Variants in ZBTB20 observed in about 807,000 individuals in gnomAD.
ZBTB20 encodes zinc finger and BTB domain-containing protein 20.
ZBTB20 carries 9 observed loss-of-function variants against 56.9 expected under a neutral mutation model. The ratio of observed to expected loss-of-function variants is 0.16; its 90% confidence interval spans 0.10 to 0.28. The LOEUF (loss-of-function observed/expected upper bound fraction) is 0.28, where lower values mean the gene tolerates loss of function less well. Ranked by LOEUF, ZBTB20 falls within the 10% of genes least tolerant of loss-of-function variation. The probability of loss-of-function intolerance (pLI) is 1.00; values close to 1 mark genes in which losing one functional copy is unlikely to be tolerated. For synonymous variants in ZBTB20, 417 were observed against 420.7 expected (o/e 0.99, Z 0.11); for missense variants, 655 against 1,003.0 (o/e 0.65, Z 4.69).
intron 5 of ZBTB20, among the ~76,000 whole-genome samples, chr3:114,704,906 T>C (rs1337498568): frequency 6.6e-6 from 1 of 152,120 alleles, no homozygotes; most frequent in Non-Finnish European, 1.5e-5. Context: ...TGCCACTCTT[T>C]CCCATTTTTC....
intron 2 of ZBTB20, among the ~76,000 whole-genome samples, chr3:115,003,308 T>A (rs2079327619): frequency 6.6e-6 from 1 of 151,624 alleles, no homozygotes; most frequent in East Asian, 2.0e-4. Context: ...TGCATCAATA[T>A]TGGTTCATTA....
At chr3:115,063,561 A>G (rs889868057) in intron 2 of ZBTB20, among the ~76,000 whole-genome samples, 2 of 152,142 alleles carry the variant, frequency 1.3e-5, no homozygotes, top group African/African-American at 2.4e-5. Context: ...GGTTTTCAAT[A>G]TATGAATTTT....
At chr3:115,120,216 T>A (rs1449417035) in intron 1 of ZBTB20, among the ~76,000 whole-genome samples, 1 of 152,246 alleles carries the variant, frequency 6.6e-6, no homozygotes, top group East Asian at 1.9e-4. Flanking sequence ...TCATCAATTG[T>A]AACAAATGTA....
intron 5 of ZBTB20, among the ~76,000 whole-genome samples, chr3:114,772,727 G>A (rs888961661): frequency 6.6e-6 from 1 of 150,788 alleles, no homozygotes; most frequent in African/African-American, 2.4e-5. Context: ...GATGGAGGTA[G>A]GTGACTCATT....
intron 7 of ZBTB20, among the ~76,000 whole-genome samples, chr3:114,435,058 A>G (rs1576746780): frequency 6.6e-6 from 1 of 152,302 alleles, no homozygotes; most frequent in East Asian, 1.9e-4. Context: ...TATTGTATGT[A>G]TGATCCGGAG....
intron 6 of ZBTB20, among the ~76,000 whole-genome samples, chr3:114,616,087 G>A (rs1417147283): frequency 6.6e-6 from 1 of 152,142 alleles, no homozygotes; most frequent in Non-Finnish European, 1.5e-5. Context: ...GACTCGAGGT[G>A]CACTTGATAG....
rs932267391 is a variant in ZBTB20 at position 114,322,427 on chromosome 3, A to G, written c.*16578T>C. On this transcript the variant is annotated 3_prime_UTR_variant, in exon 12 of 12. Coordinates refer to ENST00000675478, the MANE Select transcript of ZBTB20 (RefSeq NM_001348800.3). ...TGTAATCCCTTGACCACCAAAGCAT[A>G]TCCCTTGAGCCTGTTGTAGTACTTT... 1 of 152,204 alleles carries G rather than the reference A, an allele frequency of 6.6e-6. No individual in the cohort carries two copies. Among genetic ancestry groups the G allele is most frequent in the African/African-American group, 2.4e-5 (1 of 41,440 alleles). 9.4% of individuals were successfully genotyped at this position (152,204 alleles called of 1,614,324 possible).
chr3:114,588,042 C>T (rs910458150), intron 6 of ZBTB20, among the ~76,000 whole-genome samples: 7 of 152,250 alleles, frequency 4.6e-5, no homozygotes, highest in African/African-American at 1.4e-4. Flanking sequence ...CATGACAATT[C>T]CTTTCTCTCT....
intron 1 of ZBTB20, among the ~76,000 whole-genome samples, chr3:115,130,755 A>C (rs2084480905): frequency 6.6e-6 from 1 of 152,022 alleles, no homozygotes; most frequent in South Asian, 2.1e-4. Flanking sequence ...AAATTATTTT[A>C]ATTTCTTTTT....
chr3:114,880,850 C>T (rs1004090804), intron 4 of ZBTB20, among the ~76,000 whole-genome samples: 2 of 152,070 alleles, frequency 1.3e-5, no homozygotes, highest in East Asian at 3.9e-4. Context: ...TTGTTGCATG[C>T]ACACATACAT....
intron 5 of ZBTB20, among the ~76,000 whole-genome samples, chr3:114,694,791 C>T (rs1310712167): frequency 1.3e-5 from 2 of 152,014 alleles, no homozygotes; most frequent in Non-Finnish European, 2.9e-5. Flanking sequence ...GTCTATGTAG[C>T]ACAGACCCCT....
chr3:114,757,271 A>C (rs2068073656), intron 5 of ZBTB20, among the ~76,000 whole-genome samples: 1 of 152,214 alleles, frequency 6.6e-6, no homozygotes, highest in Admixed American at 6.5e-5. Flanking sequence ...AACTTTCTAT[A>C]GGTTCATGTC....
At chr3:114,511,021 T>A (rs2045310507) in intron 6 of ZBTB20, among the ~76,000 whole-genome samples, 5 of 150,612 alleles carry the variant, frequency 3.3e-5, no homozygotes, top group Admixed American at 3.3e-4. Context: ...GTGAACATGA[T>A]GGTGGTGGGT....
rs1413730115 is a variant in ZBTB20 at position 114,335,442 on chromosome 3, A to T, written c.*3563T>A. On this transcript the variant is annotated 3_prime_UTR_variant, in exon 12 of 12. Transcript: ENST00000675478. ...TTCCCTATTTCTAAAGATATTTGTG[A>T]TTGTTTAACTTAAAAGTGAGAATTG... 6.6e-6 allele frequency: 1 copy of T among 152,176 alleles called. No individual in the cohort carries two copies. The highest frequency in any genetic ancestry group is 2.4e-5 in the African/African-American group (1 of 41,434). The allele number at this position is 152,176 out of a possible 1,614,324, so 9.4% of individuals were successfully genotyped here. A position where few individuals can be genotyped will look rare whatever the true frequency, so the allele number is the denominator to read the frequency against.
At chr3:114,437,955 G>A (rs574274156) in intron 7 of ZBTB20, among the ~76,000 whole-genome samples, 68 of 152,230 alleles carry the variant, frequency 4.5e-4, no homozygotes, top group Middle Eastern at 3.4e-3. Flanking sequence ...TTACAATTCT[G>A]TAATTCACAC....
intron 5 of ZBTB20, among the ~76,000 whole-genome samples, chr3:114,770,420 G>C (rs1284290502): frequency 1.3e-5 from 2 of 150,814 alleles, no homozygotes; most frequent in African/African-American, 4.9e-5. Flanking sequence ...TTGCACTCCA[G>C]CCTGGGCAAC....
chr3:114,570,241 A>G (rs1339035276), intron 6 of ZBTB20, among the ~76,000 whole-genome samples: 1 of 151,544 alleles, frequency 6.6e-6, no homozygotes, highest in Non-Finnish European at 1.5e-5. Flanking sequence ...TTTTTTTTTT[A>G]AGTTTTTGTT....
chr3:114,944,328 A>G lies in ZBTB20; in HGVS notation c.-456+30038T>C, dbSNP rs530822813. Among the ~76,000 whole-genome samples, 62 of 146,108 alleles carry G rather than the reference A, an allele frequency of 4.2e-4. 4 individuals carry two copies. Among genetic ancestry groups the G allele is most frequent in the Admixed American group, 3.4e-3 (52 of 15,114 alleles). The stretch of plus-strand genomic sequence containing the variant: ...GGCTACCTTCAAAAAGTTAAAAGAC[A>G]GTAAGGGTTGGCAAGAATTTGGAGA... On this transcript the variant is annotated intron_variant, in intron 3 of 11. Coordinates refer to ENST00000675478, the MANE Select transcript of ZBTB20 (RefSeq NM_001348800.3).
intron 4 of ZBTB20, among the ~76,000 whole-genome samples, chr3:114,812,924 G>T (rs186536422): frequency 1.3e-5 from 2 of 148,772 alleles, no homozygotes; most frequent in South Asian, 4.5e-4. Flanking sequence ...GCCCGGGGCC[G>T]GTGGGGCAGG....
Sources: gnomAD v4.1 joint callset for allele counts (sites outside exome capture counted in the v4.1 genomes callset) on GRCh38, gnomAD v4.1.1 for gene constraint, MANE v1.5 for transcripts, NCBI Gene and HGNC (gene_info 2026-07-23, HGNC 2026-07-21) for gene names.